Variants in CNST observed in about 807,000 individuals in gnomAD.
The protein encoded by CNST is consortin, connexin sorting protein.
Under a neutral mutation model 72.4 loss-of-function variants are expected in CNST, and 39 were observed. That is an observed-to-expected ratio of 0.54 (90% CI 0.42 to 0.70). The LOEUF (loss-of-function observed/expected upper bound fraction) is 0.70. CNST is among the 30% of genes least tolerant of loss of function. The probability of loss-of-function intolerance (pLI) is 0.00; values close to 1 mark genes in which losing one functional copy is unlikely to be tolerated. For missense variants in CNST, 871 were observed against 868.5 expected, an observed-to-expected ratio of 1.00 and a Z score of -0.04; for synonymous variants, 332 against 320.1, an observed-to-expected ratio of 1.04 and a Z score of -0.40.
At chr1:246,606,526 TG>T (rs1662833578) in intron 2 of CNST, 1 of 152,220 alleles carries the variant, frequency 6.6e-6, no homozygotes, top group African/African-American at 2.4e-5. Flanking sequence ...TGGGTGCGTT[TG>T]GTTTTGTTGT....
chr1:246,617,292 AACCTAAG>A, intron 2 of CNST, among the ~76,000 whole-genome samples: 1 of 152,244 alleles, frequency 6.6e-6, no homozygotes, highest in African/African-American at 2.4e-5. Context: ...GGTGAATAAT[AACCTAAG>A]CAATTTAATA....
rs762910781 is a variant in CNST at position 246,621,581 on chromosome 1, C to G, written c.532C>G (p.Arg178Gly). 2.5e-6 allele frequency: 4 copies of G among 1,614,140 alleles called. No homozygotes were observed. Among genetic ancestry groups the G allele is most frequent in the Middle Eastern group, 1.6e-4 (1 of 6,062 alleles). Residue 178 changes from arginine (R) to glycine (G), a missense_variant, in exon 3 of 11, where the codon CGA becomes GGA. Transcript: ENST00000366513. Reference sequence around the variant, plus strand: ...TCTGCAGTCTCTGTTTTCACTTATACGAGGTGAAGTTGAGCAGTTGGATTC... The same window carrying G: ...TCTGCAGTCTCTGTTTTCACTTATAGGAGGTGAAGTTGAGCAGTTGGATTC... ...LVLQSLFSLIRGEVEQLDSRA... is the reference protein window; with the variant it reads ...LVLQSLFSLIGGEVEQLDSRA...
chr1:246,585,664 TATAC>T (rs1369240875), intron 1 of CNST, among the ~76,000 whole-genome samples: 1,054 of 39,476 alleles, frequency 0.027, 11 homozygotes, highest in Middle Eastern at 0.042. Flanking sequence ...AAAAAAAAAA[TATAC>T]ACACACACAC....
At chr1:246,585,697 ACACACACACACAC>A (rs1364993391) in intron 1 of CNST, among the ~76,000 whole-genome samples, 12 of 145,780 alleles carry the variant, frequency 8.2e-5, no homozygotes, top group African/African-American at 3.2e-4. Context: ...ACACACACAC[ACACACACACACAC>A]ACTATATATG....
At chr1:246,575,275 A>G (rs1201351573) in intron 1 of CNST, among the ~76,000 whole-genome samples, 1 of 152,198 alleles carries the variant, frequency 6.6e-6, no homozygotes, top group East Asian at 1.9e-4. Context: ...AAATGTTTAT[A>G]ACAGCATTAT....
In CNST at chr1:246,634,405, T is replaced by C. The variant is rs1664996005; in HGVS notation, c.704-68T>C. On this transcript the variant is annotated intron_variant, in intron 5 of 10. Transcript: ENST00000366513. ...CTTTATGAGTGGTGCTAGTTAACTG[T>C]TTGTTTGTTTTTTTGCTCCTAAATA... 4.6e-6 allele frequency: 4 copies of C among 876,566 alleles called. No homozygotes were observed. In the East Asian group the frequency reaches 1.1e-4, roughly 23 times the overall value. 54.3% of individuals were successfully genotyped at this position (876,566 alleles called of 1,614,324 possible).
chr1:246,629,818 A>G (rs542154542), intron 3 of CNST, among the ~76,000 whole-genome samples: 3 of 152,056 alleles, frequency 2.0e-5, no homozygotes, highest in Admixed American at 6.6e-5. Flanking sequence ...TGCAACCTCT[A>G]CCTCCCAGGT....
At chr1:246,658,888 C>T (rs1666910721) in intron 9 of CNST, among the ~76,000 whole-genome samples, 2 of 152,220 alleles carry the variant, frequency 1.3e-5, no homozygotes, top group South Asian at 4.1e-4. Flanking sequence ...GCAAGGCCTC[C>T]TGCTTCCCAG....
chr1:246,596,298 C>T (rs1661876461), intron 2 of CNST, among the ~76,000 whole-genome samples: 1 of 151,526 alleles, frequency 6.6e-6, no homozygotes, highest in Admixed American at 6.6e-5. Context: ...GCCTGTAGTC[C>T]CAGCTACTTG....
intron 9 of CNST, 163 bp downstream of exon 9, chr1:246,648,200 G>T (rs1054478724): frequency 5.0e-6 from 7 of 1,404,568 alleles, no homozygotes; most frequent in Non-Finnish European, 6.5e-6. Context: ...ACATTTGTAT[G>T]TATTGAATAA....
At chr1:246,638,032 A>G (rs1284538074) in intron 6 of CNST, among the ~76,000 whole-genome samples, 2 of 152,168 alleles carry the variant, frequency 1.3e-5, no homozygotes, top group East Asian at 3.9e-4. Context: ...TGGCAGATAC[A>G]GCAGGACTGG....
At chr1:246,578,817 A>T (rs1392436103) in intron 1 of CNST, among the ~76,000 whole-genome samples, 1 of 152,174 alleles carries the variant, frequency 6.6e-6, no homozygotes, top group African/African-American at 2.4e-5. Context: ...AATCTGCCCT[A>T]CATACCACAA....
chr1:246,635,956 C>T (rs937698032), intron 6 of CNST, among the ~76,000 whole-genome samples: 11 of 152,162 alleles, frequency 7.2e-5, no homozygotes, highest in East Asian at 1.9e-4. Context: ...TTGAATTGTG[C>T]ATAGGAAGCT....
Position 246,574,972 on chromosome 1 carries a change from TTTTATTTA to T in CNST, c.-52+8341_-52+8348del, listed in dbSNP as rs150720392. ...AATCTGAACAAATCTTCCTCAAGTA[TTTTATTTA>T]TTTATTTATTTATTTATTTATTTAT... On this transcript the variant is annotated intron_variant, in intron 1 of 10. Transcript: ENST00000366513. Among the ~76,000 whole-genome samples the T allele has an allele frequency of 8.9e-3, 1,280 of 143,648 alleles. 25 individuals are homozygous for T. The highest frequency in any genetic ancestry group is 0.03 in the African/African-American group (1,186 of 39,474). 94.2% of individuals were successfully genotyped at this position (143,648 alleles called of 152,430 possible).
intron 6 of CNST, among the ~76,000 whole-genome samples, chr1:246,634,848 G>A (rs34716329): frequency 0.28 from 41,787 of 151,726 alleles, 6,467 homozygotes; most frequent in East Asian, 0.67. Flanking sequence ...TCAGCGCCAC[G>A]TGAGGACGGG....
chr1:246,665,951 G>T lies in CNST; in HGVS notation c.*46G>T, dbSNP rs878903277. On this transcript the variant is annotated 3_prime_UTR_variant, in exon 11 of 11. Transcript: ENST00000366513. Reference sequence around the variant, plus strand: ...TGCTGGCAGTGAGAGTGAAAGGCGGGAGACTTTCTAAACAGTTTTTCTTTC... The same window carrying T: ...TGCTGGCAGTGAGAGTGAAAGGCGGTAGACTTTCTAAACAGTTTTTCTTTC... 3 of 1,363,250 alleles carry T rather than the reference G, an allele frequency of 2.2e-6. No homozygotes were observed. The highest frequency in any genetic ancestry group is 4.6e-5 in the East Asian group (2 of 43,226). 84.4% of individuals were successfully genotyped at this position (1,363,250 alleles called of 1,614,324 possible). A position where few individuals can be genotyped will look rare whatever the true frequency, so the allele number is the denominator to read the frequency against.
At chr1:246,642,090 G>A in intron 8 of CNST, 53 bp downstream of exon 8, 1 of 732,172 alleles carries the variant, frequency 1.4e-6, no homozygotes, top group Admixed American at 3.1e-5. Flanking sequence ...TGCCTCTTCT[G>A]ATCTTTTACA....
chr1:246,578,488 G>A (rs571190328), intron 1 of CNST, among the ~76,000 whole-genome samples: 2 of 151,862 alleles, frequency 1.3e-5, no homozygotes, highest in African/African-American at 2.4e-5. Flanking sequence ...TGGCTAACAC[G>A]GTGAAACCCC....
chr1:246,647,184 A>G lies in CNST; in HGVS notation c.983A>G (p.His328Arg), dbSNP rs1004981561. 4 of 1,614,022 alleles carry G rather than the reference A, an allele frequency of 2.5e-6. No individual in the cohort carries two copies. The highest frequency in any genetic ancestry group is 4.5e-5 in the East Asian group (2 of 44,904). The change falls in exon 9 of 11, where the codon CAT (histidine) becomes CGT (arginine). Residue 328 changes from histidine (H) to arginine (R), a missense_variant. Transcript: ENST00000366513. ...ACAGAGTCAAGTAAAGAAAGCCAAC[A>G]TACAGTGGAGCCCCTGGGGAGCAGT... is the stretch of plus-strand genomic sequence containing the variant. ...LGTESSKESQ[H>R]TVEPLGSSPC... is the part of the protein sequence containing the mutation.
Sources: allele counts gnomAD v4.1 joint callset (sites outside exome capture counted in the v4.1 genomes callset), GRCh38; gene constraint gnomAD v4.1.1; transcripts MANE v1.5; gene names NCBI Gene and HGNC (gene_info 2026-07-23, HGNC 2026-07-21).